STAB2: variants seen among roughly 807,000 people sequenced by gnomAD.
STAB2 encodes stabilin-2.
A neutral mutation model predicts 338.1 loss-of-function variants in STAB2; 288 were observed. The ratio of observed to expected loss-of-function variants is 0.85; its 90% CI spans 0.77 to 0.94. The LOEUF (loss-of-function observed/expected upper bound fraction) is 0.94, where lower values mean the gene tolerates loss of function less well. STAB2 is among the 40% of genes least tolerant of loss of function. The pLI is 0.00. For missense variants in STAB2, 3,141 were observed against 3,210.1 expected, an observed-to-expected ratio of 0.98 and a Z score of 0.52; for synonymous variants, 1,202 against 1,193.3, an observed-to-expected ratio of 1.01 and a Z score of -0.15.
chr12:103,748,460 C>G (rs926797533), intron 58 of STAB2, among the ~76,000 whole-genome samples: 3 of 152,128 alleles, frequency 2.0e-5, no homozygotes, highest in Admixed American at 6.5e-5. Flanking sequence ...AATCTTCAGC[C>G]AGGCCACATT....
intron 6 of STAB2, among the ~76,000 whole-genome samples, chr12:103,634,056 C>T (rs754672209): frequency 3.9e-5 from 6 of 152,180 alleles, no homozygotes; most frequent in Non-Finnish European, 2.9e-5. Flanking sequence ...AAGCTGAAAA[C>T]AACTTGAATT....
intron 1 of STAB2, among the ~76,000 whole-genome samples, chr12:103,588,459 G>C (rs1331004820): frequency 6.6e-6 from 1 of 152,126 alleles, no homozygotes; most frequent in Non-Finnish European, 1.5e-5. Flanking sequence ...CCCTGACAGT[G>C]CTCCACAAAT....
chr12:103,663,209 G>A (rs1874775982), intron 18 of STAB2, among the ~76,000 whole-genome samples: 1 of 152,200 alleles, frequency 6.6e-6, no homozygotes, highest in Non-Finnish European at 1.5e-5. Context: ...TTTCCGCAAT[G>A]ATAGATGCTG....
intron 44 of STAB2, among the ~76,000 whole-genome samples, chr12:103,722,072 G>T (rs1029102665): frequency 1.8e-4 from 27 of 152,184 alleles, no homozygotes; most frequent in Admixed American, 1.8e-3. Context: ...GCCTGAAGGA[G>T]AGATCATGAC....
intron 57 of STAB2, chr12:103,746,213 C>T: frequency 1.1e-5 from 2 of 187,768 alleles, no homozygotes; most frequent in South Asian, 2.1e-4. Context: ...GTGGTGCCCT[C>T]AGAAGGCCAT....
intron 5 of STAB2, among the ~76,000 whole-genome samples, chr12:103,628,923 C>T (rs1163906551): frequency 6.6e-6 from 1 of 152,196 alleles, no homozygotes; most frequent in Non-Finnish European, 1.5e-5. Flanking sequence ...CAGCAGGATG[C>T]AGCTCTGCAC....
At position 103,726,131 on chromosome 12, in the gene STAB2, C is replaced by T; in HGVS notation, c.4819C>T (p.Pro1607Ser). 6.2e-7 allele frequency: 1 copy of T among 1,613,966 alleles called. No individual in the cohort carries two copies. Among genetic ancestry groups the T allele is most frequent in the Non-Finnish European group, 8.5e-7 (1 of 1,179,862 alleles). Residue 1607 changes from proline to serine, a missense_variant, in exon 46 of 69, where the codon CCG (proline) becomes TCG (serine). By Grantham distance (74) the Pro-to-Ser change is moderately conservative. Coordinates refer to ENST00000388887, the MANE Select transcript of STAB2 (RefSeq NM_017564.10). ...TTGTTTGCAGGAGCTTCCCAAGAAC[C>T]CGAAAACTTCCCAGTATTTCTTCCA... ...GSIYQELPKN[P>S]KTSQYFFQLQ... is the part of the protein sequence containing the mutation.
chr12:103,664,834 G>A (rs943473557), intron 18 of STAB2, among the ~76,000 whole-genome samples: 1 of 152,276 alleles, frequency 6.6e-6, no homozygotes, highest in South Asian at 2.1e-4. Context: ...ATGCCATCTG[G>A]AGAATTTGAT....
intron 53 of STAB2, 114 bp downstream of exon 53, chr12:103,737,894 G>C: frequency 7.2e-7 from 1 of 1,382,048 alleles, no homozygotes; most frequent in South Asian, 1.6e-5. Flanking sequence ...AGCAAGACTA[G>C]GACCCAGAAG....
intron 61 of STAB2, 24 bp downstream of exon 61, chr12:103,753,377 T>C (rs1883838149): frequency 6.2e-7 from 1 of 1,614,102 alleles, no homozygotes. Flanking sequence ...TAGCAGATTC[T>C]GTGCAGACAG....
intron 44 of STAB2, among the ~76,000 whole-genome samples, chr12:103,718,267 G>A (rs1429458043): frequency 1.3e-5 from 2 of 152,138 alleles, no homozygotes; most frequent in Admixed American, 6.5e-5. Flanking sequence ...ATATAGTGTA[G>A]CATTCCAAAA....
chr12:103,667,544 G>GAGGGAAAAGAA (rs980081181), intron 19 of STAB2, among the ~76,000 whole-genome samples: 6 of 152,252 alleles, frequency 3.9e-5, no homozygotes, highest in African/African-American at 1.4e-4. Context: ...AGAGAAGGAA[G>GAGGGAAAAGAA]AGGGAAAAGA....
At chr12:103,667,524 G>A (rs11613563) in intron 19 of STAB2, among the ~76,000 whole-genome samples, 4 of 151,852 alleles carry the variant, frequency 2.6e-5, no homozygotes, top group Admixed American at 2.0e-4. Flanking sequence ...GATTGTCTCA[G>A]CCCAGGGAAA....
intron 5 of STAB2, among the ~76,000 whole-genome samples, chr12:103,623,427 T>G (rs914465610): frequency 6.6e-6 from 1 of 152,160 alleles, no homozygotes; most frequent in African/African-American, 2.4e-5. Flanking sequence ...TCCTGGGTTA[T>G]CTGGGAAGGC....
intron 38 of STAB2, among the ~76,000 whole-genome samples, chr12:103,707,399 G>C (rs555136242): frequency 6.6e-6 from 1 of 152,322 alleles, no homozygotes; most frequent in Admixed American, 6.5e-5. Flanking sequence ...CCATTTTACA[G>C]ATGAGGGTAG....
intron 56 of STAB2, among the ~76,000 whole-genome samples, chr12:103,744,586 C>T (rs1036631660): frequency 6.6e-6 from 1 of 151,878 alleles, no homozygotes; most frequent in Non-Finnish European, 1.5e-5. Flanking sequence ...CCCATCCCAG[C>T]CTCCCAAGTA....
chr12:103,751,428 G>C (rs992403897), intron 60 of STAB2, among the ~76,000 whole-genome samples: 1 of 152,146 alleles, frequency 6.6e-6, no homozygotes, highest in African/African-American at 2.4e-5. Context: ...ATAGAGAAAA[G>C]GAAAGGCTCA....
intron 15 of STAB2, among the ~76,000 whole-genome samples, chr12:103,659,005 A>G (rs1231207626): frequency 6.6e-6 from 1 of 152,162 alleles, no homozygotes; most frequent in Non-Finnish European, 1.5e-5. Flanking sequence ...AGTAACTGAG[A>G]CGTAAGTTGA....
In STAB2 at chr12:103,713,612, C is replaced by T. The variant is rs1305215964; in HGVS notation, c.4412-31C>T. The T allele has an allele frequency of 2.5e-6, 4 of 1,610,988 alleles. No homozygotes were observed. The South Asian group carries it at 4.4e-5, about 18-fold the overall frequency. On this transcript the variant is annotated intron_variant, in intron 41 of 68. Transcript: ENST00000388887. ...ACATCAATGGCTTTTGCCCTTCCCT[C>T]TCCCCTTCTGCTCTGTGTCATCTTC... is the stretch of plus-strand genomic sequence containing the variant.
Sources: gnomAD v4.1 joint callset for allele counts (sites outside exome capture counted in the v4.1 genomes callset) on GRCh38, gnomAD v4.1.1 for gene constraint, MANE v1.5 for transcripts, NCBI Gene and HGNC (gene_info 2026-07-23, HGNC 2026-07-21) for gene names.